The following RPTOR variants were observed in gnomAD, a reference collection of about 807,000 sequenced individuals.
RPTOR encodes the protein regulatory-associated protein of mTOR.
RPTOR carries 21 observed loss-of-function variants against 169.9 expected under a neutral mutation model. The ratio of observed to expected loss-of-function variants is 0.12; its 90% CI spans 0.09 to 0.18. The LOEUF (loss-of-function observed/expected upper bound fraction) is 0.18. Ranked by LOEUF, RPTOR falls within the 10% of genes least tolerant of loss-of-function variation. RPTOR has a pLI of 1.00. For missense variants in RPTOR, 1,133 were observed against 1,855.9 expected (o/e 0.61, Z 7.16); for synonymous variants, 732 against 753.2 (o/e 0.97, Z 0.46).
chr17:80,829,511 C>A (rs2067480012), intron 9 of RPTOR, among the ~76,000 whole-genome samples: 1 of 152,218 alleles, frequency 6.6e-6, no homozygotes, highest in Non-Finnish European at 1.5e-5. Flanking sequence ...CAACCAGACA[C>A]ATCCAACCCG....
intron 1 of RPTOR, among the ~76,000 whole-genome samples, chr17:80,589,304 C>T (rs1164980996): frequency 6.6e-6 from 1 of 152,070 alleles, no homozygotes; most frequent in East Asian, 1.9e-4. Flanking sequence ...CTGTTTCTGG[C>T]CCTTTGTGCT....
At chr17:80,795,198 G>A (rs1410323040) in intron 7 of RPTOR, among the ~76,000 whole-genome samples, 2 of 152,196 alleles carry the variant, frequency 1.3e-5, no homozygotes, top group African/African-American at 4.8e-5. Context: ...ACAGAGACCT[G>A]GATTTGGGAA....
chr17:80,743,775 A>G (rs1598273040), intron 5 of RPTOR, among the ~76,000 whole-genome samples: 2 of 121,912 alleles, frequency 1.6e-5, no homozygotes. Context: ...TCTCCTGGTT[A>G]CTAGCAGAGC....
chr17:80,935,319 C>G (rs938128607), intron 24 of RPTOR, among the ~76,000 whole-genome samples: 1 of 152,046 alleles, frequency 6.6e-6, no homozygotes, highest in African/African-American at 2.4e-5. Context: ...CAATCAAAAC[C>G]CCAATAGGAT....
intron 4 of RPTOR, among the ~76,000 whole-genome samples, chr17:80,725,048 A>G (rs2066319865): frequency 6.6e-6 from 1 of 152,190 alleles, no homozygotes; most frequent in African/African-American, 2.4e-5. Context: ...CTGTAATTTA[A>G]AGGGATAAAA....
chr17:80,818,446 C>A, intron 7 of RPTOR, among the ~76,000 whole-genome samples: 1 of 152,212 alleles, frequency 6.6e-6, no homozygotes, highest in East Asian at 1.9e-4. Context: ...CTCGTGATCT[C>A]AGTGGCCTCC....
intron 1 of RPTOR, among the ~76,000 whole-genome samples, chr17:80,557,081 G>C (rs1356810439): frequency 2.0e-5 from 3 of 148,522 alleles, no homozygotes; most frequent in African/African-American, 7.4e-5. Context: ...GGGTGACAGA[G>C]TGAAACTCTG....
rs71163994 is a variant in RPTOR at position 80,737,809 on chromosome 17, G to GCCC, written c.654+7108_654+7110dup. Among the ~76,000 whole-genome samples, 1,324 of 133,056 alleles carry GCCC rather than the reference G, an allele frequency of 1.0e-2. 16 individuals carry two copies. The highest frequency in any genetic ancestry group is 0.014 in the Non-Finnish European group (914 of 64,636). The allele number at this position is 133,056 out of a possible 152,430, so 87.3% of individuals were successfully genotyped here. A position where few individuals can be genotyped will look rare whatever the true frequency, so the allele number is the denominator to read the frequency against. On this transcript the variant is annotated intron_variant, in intron 5 of 33. Transcript: ENST00000306801. ...TTCTTTCTCTCTCTTTTTCTCCCCC[G>GCCC]CCCCCCCGCCACACTCACTCCACCA... is the stretch of plus-strand genomic sequence containing the variant.
Position 80,633,577 on chromosome 17 carries a change from C to A in RPTOR, c.265+7784C>A, listed in dbSNP as rs2065458203. Among the ~76,000 whole-genome samples the A allele has an allele frequency of 2.0e-5, 3 of 152,232 alleles. No individual in the cohort carries two copies. The highest frequency in any genetic ancestry group is 4.4e-5 in the Non-Finnish European group (3 of 68,046). On this transcript the variant is annotated intron_variant, in intron 2 of 33. Coordinates refer to ENST00000306801, the MANE Select transcript of RPTOR (RefSeq NM_020761.3). The surrounding 1 kb of genome is among the most constrained non-coding windows in gnomAD (Gnocchi z 4.1). Reference sequence around the variant, plus strand: ...AGCTGCCTGCTTCACGCGGGCTGCACCAGGTGATGCGGGGCTGTGATCTAT... The same window carrying A: ...AGCTGCCTGCTTCACGCGGGCTGCAACAGGTGATGCGGGGCTGTGATCTAT...
chr17:80,889,113 G>A (rs1482307529), intron 17 of RPTOR, among the ~76,000 whole-genome samples: 4 of 152,258 alleles, frequency 2.6e-5, no homozygotes, highest in South Asian at 2.1e-4. Context: ...CAGGGACGGC[G>A]CAGGAGGGAA....
At chr17:80,605,570 A>C (rs963629410) in intron 1 of RPTOR, among the ~76,000 whole-genome samples, 3 of 152,160 alleles carry the variant, frequency 2.0e-5, no homozygotes, top group Admixed American at 6.5e-5. Flanking sequence ...GTGATCATCA[A>C]CACAAATGGG....
At chr17:80,663,688 G>A (rs2065741845) in intron 3 of RPTOR, among the ~76,000 whole-genome samples, 1 of 152,072 alleles carries the variant, frequency 6.6e-6, no homozygotes, top group South Asian at 2.1e-4. Context: ...ACACATTACT[G>A]GGCTTAAGAA....
intron 6 of RPTOR, among the ~76,000 whole-genome samples, chr17:80,755,814 G>A (rs1203385632): frequency 2.0e-5 from 3 of 151,606 alleles, no homozygotes; most frequent in Non-Finnish European, 4.4e-5. Context: ...AGAGGGATCT[G>A]CAGTGTTTCT....
intron 13 of RPTOR, among the ~76,000 whole-genome samples, chr17:80,863,835 G>A (rs750340895): frequency 3.3e-5 from 5 of 152,192 alleles, no homozygotes; most frequent in East Asian, 1.9e-4. Context: ...CGGGAGAATC[G>A]CTTGAGCCCG....
At chr17:80,669,379 G>A (rs541372581) in intron 3 of RPTOR, among the ~76,000 whole-genome samples, 30 of 152,354 alleles carry the variant, frequency 2.0e-4, no homozygotes, top group Admixed American at 2.0e-3. Context: ...GTTGCATACA[G>A]TAGTTCATTC....
Position 80,588,796 on chromosome 17 carries a change from C to T in RPTOR, c.163-36895C>T, listed in dbSNP as rs146385054. 2.1e-3 allele frequency among the ~76,000 whole-genome samples: 315 copies of T among 152,216 alleles called. 3 individuals carry two copies. The highest frequency in any genetic ancestry group is 7.0e-3 in the African/African-American group (289 of 41,530). On this transcript the variant is annotated intron_variant, in intron 1 of 33. Coordinates refer to ENST00000306801, the MANE Select transcript of RPTOR (RefSeq NM_020761.3). Reference sequence around the variant, plus strand: ...GGAATTCTTTAAACATTCTGGATAACGTCCTTTTAAAATGTGTTTATATGT... The same window carrying T: ...GGAATTCTTTAAACATTCTGGATAATGTCCTTTTAAAATGTGTTTATATGT...
intron 9 of RPTOR, among the ~76,000 whole-genome samples, chr17:80,824,605 A>AG (rs2067418285): frequency 6.6e-6 from 1 of 152,150 alleles, no homozygotes; most frequent in African/African-American, 2.4e-5. Context: ...GGAAGGAAAA[A>AG]GAAAAAAAAA....
intron 5 of RPTOR, among the ~76,000 whole-genome samples, chr17:80,734,877 A>G (rs773087952): frequency 2.0e-5 from 3 of 152,222 alleles, no homozygotes; most frequent in Non-Finnish European, 4.4e-5. Flanking sequence ...ACAATATAGT[A>G]TAACAACTAC....
chr17:80,559,078 T>C (rs546915081), intron 1 of RPTOR, among the ~76,000 whole-genome samples: 2 of 152,150 alleles, frequency 1.3e-5, no homozygotes, highest in Non-Finnish European at 2.9e-5. Context: ...ACTGTCTCCA[T>C]TAAACACCAA....
Sources: allele counts gnomAD v4.1 joint callset (sites outside exome capture counted in the v4.1 genomes callset), GRCh38; gene constraint gnomAD v4.1.1; non-coding constraint Gnocchi (gnomAD v3.1); transcripts MANE v1.5; gene names NCBI Gene and HGNC (gene_info 2026-07-23, HGNC 2026-07-21).